Variants in CADPS observed in about 807,000 individuals in gnomAD.
The protein encoded by CADPS is calcium dependent secretion activator, also known as calcium-dependent secretion activator 1.
In CADPS, 57 loss-of-function variants were observed where a neutral mutation model predicts 167.3. The observed-to-expected ratio is 0.34, with a 90% CI of 0.28 to 0.42. CADPS has a LOEUF of 0.42. Ranked by LOEUF, CADPS falls within the 20% of genes least tolerant of loss-of-function variation. The pLI, the probability that CADPS is intolerant of heterozygous loss-of-function variation, is 1.00. For synonymous variants in CADPS, 676 were observed against 635.3 expected (o/e 1.06, Z -0.96); for missense variants, 1,414 against 1,738.1 (o/e 0.81, Z 3.32).
chr3:62,792,847 C>T (rs2093068104), intron 1 of CADPS, among the ~76,000 whole-genome samples: 2 of 152,118 alleles, frequency 1.3e-5, no homozygotes, highest in Non-Finnish European at 2.9e-5. Flanking sequence ...ATCCTCCTAC[C>T]TTAACTTCCC....
chr3:62,751,668 G>T (rs557631676), intron 3 of CADPS, among the ~76,000 whole-genome samples: 9 of 152,062 alleles, frequency 5.9e-5, no homozygotes, highest in Non-Finnish European at 1.0e-4. Flanking sequence ...TAATCCACCC[G>T]TCTTAGCCTC....
At chr3:62,661,666 C>T (rs6794734) in intron 4 of CADPS, among the ~76,000 whole-genome samples, 34 of 152,004 alleles carry the variant, frequency 2.2e-4, no homozygotes, top group African/African-American at 7.2e-4. Context: ...GAGTTTTATC[C>T]GGGCAACTGT....
chr3:62,818,304 G>A (rs1343698431), intron 1 of CADPS, among the ~76,000 whole-genome samples: 1 of 151,996 alleles, frequency 6.6e-6, no homozygotes, highest in Non-Finnish European at 1.5e-5. Flanking sequence ...AAAATCTCAG[G>A]GGAGGCAAAA....
chr3:62,677,292 CA>C (rs2076478187), intron 3 of CADPS, among the ~76,000 whole-genome samples: 1 of 151,942 alleles, frequency 6.6e-6, no homozygotes, highest in Non-Finnish European at 1.5e-5. Flanking sequence ...AACAAAAAAC[CA>C]AAACAACAAC....
intron 12 of CADPS, 109 bp from the exon 13 acceptor site, chr3:62,533,167 A>G: frequency 1.1e-6 from 1 of 889,814 alleles, no homozygotes; most frequent in East Asian, 2.7e-5. Flanking sequence ...GCCAGAGCTA[A>G]CACTCCTTGA....
At chr3:62,812,461 G>A (rs1472763493) in intron 1 of CADPS, among the ~76,000 whole-genome samples, 2 of 152,110 alleles carry the variant, frequency 1.3e-5, no homozygotes, top group Non-Finnish European at 2.9e-5. Flanking sequence ...ATCCCTTCCT[G>A]CTAGAAAATG....
intron 1 of CADPS, among the ~76,000 whole-genome samples, chr3:62,857,874 G>C (rs1482767997): frequency 6.6e-6 from 1 of 151,884 alleles, no homozygotes; most frequent in East Asian, 1.9e-4. Flanking sequence ...TATAATAAAA[G>C]TTACTTTATG....
intron 13 of CADPS, among the ~76,000 whole-genome samples, chr3:62,532,536 C>A (rs1476510111): frequency 6.6e-6 from 1 of 152,162 alleles, no homozygotes; most frequent in African/African-American, 2.4e-5. Flanking sequence ...GGTATACAAT[C>A]ATCCCATTTT....
At chr3:62,475,647 T>C (rs962802376) in intron 23 of CADPS, among the ~76,000 whole-genome samples, 5 of 136,090 alleles carry the variant, frequency 3.7e-5, no homozygotes, top group Non-Finnish European at 6.3e-5. Context: ...AACACCCCTA[T>C]ATATTATATG....
At chr3:62,567,071 T>G (rs1308251795) in intron 9 of CADPS, among the ~76,000 whole-genome samples, 1 of 152,176 alleles carries the variant, frequency 6.6e-6, no homozygotes, top group Non-Finnish European at 1.5e-5. Flanking sequence ...GTGTTCCCGT[T>G]GCCTGAAAAA....
intron 3 of CADPS, among the ~76,000 whole-genome samples, chr3:62,728,272 G>A (rs1405171179): frequency 6.6e-6 from 1 of 151,458 alleles, no homozygotes; most frequent in African/African-American, 2.4e-5. Context: ...TACCATCTGG[G>A]CTGTTTCTCC....
intron 21 of CADPS, among the ~76,000 whole-genome samples, chr3:62,484,180 A>G (rs934820638): frequency 3.9e-5 from 6 of 152,210 alleles, no homozygotes; most frequent in Admixed American, 2.0e-4. Context: ...TTCAAATTTT[A>G]TAATGCTCTA....
chr3:62,663,693 A>G (rs933295571), intron 3 of CADPS, among the ~76,000 whole-genome samples: 1 of 152,106 alleles, frequency 6.6e-6, no homozygotes, highest in African/African-American at 2.4e-5. Flanking sequence ...GATATAAACA[A>G]TAACACTGGA....
intron 17 of CADPS, among the ~76,000 whole-genome samples, chr3:62,501,671 T>C (rs2065790884): frequency 6.6e-6 from 1 of 152,192 alleles, no homozygotes; most frequent in Non-Finnish European, 1.5e-5. Flanking sequence ...ACTCCCCAAA[T>C]CTAGGGGAAT....
chr3:62,442,059 TA>T (rs1344614870), intron 27 of CADPS, among the ~76,000 whole-genome samples: 1 of 151,508 alleles, frequency 6.6e-6, no homozygotes, highest in Non-Finnish European at 1.5e-5. Flanking sequence ...ATGTGCCCAT[TA>T]AAAAATAATA....
intron 8 of CADPS, among the ~76,000 whole-genome samples, chr3:62,582,402 C>A (rs1464068981): frequency 4.6e-5 from 7 of 152,204 alleles, no homozygotes; most frequent in Non-Finnish European, 8.8e-5. Context: ...GCAGAGATCA[C>A]ACCGCTGCAC....
chr3:62,472,741 AG>A (rs1262187118), intron 24 of CADPS, among the ~76,000 whole-genome samples: 1 of 152,270 alleles, frequency 6.6e-6, no homozygotes, highest in African/African-American at 2.4e-5. Flanking sequence ...GAGGAAACTG[AG>A]GCCCAAAGAA....
At chr3:62,522,565 C>T (rs1010745475) in intron 13 of CADPS, among the ~76,000 whole-genome samples, 2 of 152,134 alleles carry the variant, frequency 1.3e-5, no homozygotes, top group African/African-American at 2.4e-5. Context: ...CTTTGAGGCC[C>T]CCAGCATCAT....
At chr3:62,831,513 TA>T (rs1452184731) in intron 1 of CADPS, among the ~76,000 whole-genome samples, 1 of 152,066 alleles carries the variant, frequency 6.6e-6, no homozygotes, top group Non-Finnish European at 1.5e-5. Flanking sequence ...ATTACCAAAT[TA>T]CTGCGAGGTC....
Sources: allele counts gnomAD v4.1 joint callset (sites outside exome capture counted in the v4.1 genomes callset), GRCh38; gene constraint gnomAD v4.1.1; transcripts MANE v1.5; gene names NCBI Gene and HGNC (gene_info 2026-07-23, HGNC 2026-07-21).